The following FCRL4 variants were observed in gnomAD, a reference collection of about 807,000 sequenced individuals.
FCRL4 encodes Fc receptor like 4.
A neutral mutation model predicts 64.1 loss-of-function variants in FCRL4; 43 were observed. That is an observed-to-expected ratio of 0.67 (90% CI 0.53 to 0.87). The LOEUF (loss-of-function observed/expected upper bound fraction) is 0.87, where lower values mean the gene tolerates loss of function less well. FCRL4 is among the 40% of genes least tolerant of loss of function. The probability of loss-of-function intolerance (pLI) is 0.00; values close to 1 mark genes in which losing one functional copy is unlikely to be tolerated. For synonymous variants in FCRL4, 253 were observed against 239.8 expected (o/e 1.05, Z -0.51); for missense variants, 656 against 613.5 (o/e 1.07, Z -0.73).
chr1:157,585,346 CTTTCTTTCTTTCTTTCTTTCT>C (rs1482406549), intron 6 of FCRL4, among the ~76,000 whole-genome samples: 1 of 29,968 alleles, frequency 3.3e-5, no homozygotes, highest in African/African-American at 8.4e-5. Context: ...TTCTCTCTCT[CTTTCTTTCTTTCTTTCTTTCT>C]TTCTTTCTTT....
At chr1:157,589,632 G>T (rs767058001) in intron 2 of FCRL4, among the ~76,000 whole-genome samples, 174 bp from the exon 3 acceptor site, 46 of 152,208 alleles carry the variant, frequency 3.0e-4, no homozygotes, top group African/African-American at 1.1e-3. Context: ...GGGTGCAGTG[G>T]CTGCTCAGTG....
rs1372008534 is a variant in FCRL4 at position 157,578,530 on chromosome 1, T to A, written c.1373A>T (p.Lys458Met). Residue 458 changes from lysine (K) to methionine (M), a missense_variant, in exon 10 of 12, where the codon AAG becomes ATG. Transcript: ENST00000271532. ...GATCTCAGAGTATACCAAATCTCCC[T>A]TTTTGGGGTGTACTGGAAAGAAAAG... ...QSLYVDVHPK[K>M]GDLVYSEIQT... is the part of the protein sequence containing the mutation. 1 of 1,613,572 alleles carries A rather than the reference T, an allele frequency of 6.2e-7. No homozygotes were observed.
intron 2 of FCRL4, among the ~76,000 whole-genome samples, chr1:157,592,879 A>G (rs1384738583): frequency 6.6e-6 from 1 of 152,264 alleles, no homozygotes; most frequent in Non-Finnish European, 1.5e-5. Context: ...AATGTGGCAC[A>G]TATACACCAT....
At position 157,574,267 on chromosome 1, in the gene FCRL4, TCA is replaced by T. The variant is rs1374661018; in HGVS notation, c.*1255_*1256del. ...GTGATTTGCCCTATAGAACTTTTTC[TCA>T]GTTTATGTTTTGCTGGTTGCAATCC... On this transcript the variant is annotated 3_prime_UTR_variant, in exon 12 of 12. Transcript: ENST00000271532. 1 of 218,828 alleles carries T rather than the reference TCA, an allele frequency of 4.6e-6. No homozygotes were observed. The highest frequency in any genetic ancestry group is 2.2e-5 in the African/African-American group (1 of 44,610). The allele number at this position is 218,828 out of a possible 1,614,324, so 13.6% of individuals were successfully genotyped here.
intron 4 of FCRL4, 84 bp from the exon 5 acceptor site, chr1:157,587,644 A>T: frequency 6.9e-7 from 1 of 1,441,084 alleles, no homozygotes; most frequent in Non-Finnish European, 9.4e-7. Flanking sequence ...CAGTCCCAGG[A>T]AACTTCAGAC....
chr1:157,578,433 T>G lies in FCRL4; in HGVS notation c.1429+41A>C, dbSNP rs368760184. The G allele has an allele frequency of 1.8e-4, 275 of 1,493,184 alleles. 1 individual carries two copies. The highest frequency in any genetic ancestry group is 1.3e-3 in the South Asian group (111 of 88,558). 92.5% of individuals were successfully genotyped at this position (1,493,184 alleles called of 1,614,324 possible). On this transcript the variant is annotated intron_variant, in intron 10 of 11. Transcript: ENST00000271532. Reference sequence around the variant, plus strand: ...GCTCAGTAAATATTTGTTGAATGAATGAATATAGTTTGCAGCCAGAATCTC... The same window carrying G: ...GCTCAGTAAATATTTGTTGAATGAAGGAATATAGTTTGCAGCCAGAATCTC...
chr1:157,580,444 C>G, intron 7 of FCRL4, 96 bp from the exon 8 acceptor site: 1 of 1,311,746 alleles, frequency 7.6e-7, no homozygotes, highest in African/African-American at 1.5e-5. Context: ...GTAATCAAGA[C>G]AGTCAATTCA....
rs1280355276 is a variant in FCRL4 at position 157,578,659 on chromosome 1, A to C, written c.1360+111T>G. On this transcript the variant is annotated intron_variant, in intron 9 of 11. Coordinates refer to ENST00000271532, the MANE Select transcript of FCRL4 (RefSeq NM_031282.3). ...CACATAATGGAACAATTATCTGGGA[A>C]TATCTGGATTTGGGACACTTTAGGG... The C allele has an allele frequency of 5.0e-6, 7 of 1,391,390 alleles. No individual in the cohort carries two copies. In the Middle Eastern group the frequency reaches 5.3e-4, roughly 106 times the overall value. 86.2% of individuals were successfully genotyped at this position (1,391,390 alleles called of 1,614,324 possible).
rs1571131923 is a variant in FCRL4, at chr1:157,574,169, T to A, written c.*1355A>T. 1 of 220,848 alleles carries A rather than the reference T, an allele frequency of 4.5e-6. No individual in the cohort carries two copies. Among genetic ancestry groups the A allele is most frequent in the East Asian group, 6.6e-5 (1 of 15,084 alleles). The allele number at this position is 220,848 out of a possible 1,614,324, so 13.7% of individuals were successfully genotyped here. A position where few individuals can be genotyped will look rare whatever the true frequency, so the allele number is the denominator to read the frequency against. ...ATTACTTTTCTTCATTTTTCTTTTC[T>A]TCTCTCTCCCTTTCTTCCTCCCTCT... On this transcript the variant is annotated 3_prime_UTR_variant, in exon 12 of 12. Transcript: ENST00000271532.
intron 3 of FCRL4, 28 bp from the exon 4 acceptor site, chr1:157,588,147 C>T (rs1652749680): frequency 6.4e-7 from 1 of 1,569,760 alleles, no homozygotes; most frequent in East Asian, 2.2e-5. Flanking sequence ...AGGAGATCGT[C>T]ATTCAAAGCA....
intron 6 of FCRL4, among the ~76,000 whole-genome samples, chr1:157,583,227 C>A (rs12755544): frequency 4.6e-5 from 7 of 151,998 alleles, no homozygotes; most frequent in Non-Finnish European, 1.0e-4. Context: ...TTAAGTGTTA[C>A]GTCTAGGGAA....
chr1:157,575,579 G>A lies in FCRL4; in HGVS notation c.1493C>T (p.Thr498Ile), dbSNP rs1346764150. ...TCCAGCTGAGTTATCTGGGTGTTGT[G>A]TCTTTACCTCAGAGTAGACAACTGA... ...DVSVVYSEVKTQHPDNSAGKI... is the reference protein window; with the variant it reads ...DVSVVYSEVKIQHPDNSAGKI... Residue 498 changes from threonine (T) to isoleucine (I), a missense_variant, in exon 12 of 12, where the codon ACA becomes ATA. Transcript: ENST00000271532. 8.1e-6 allele frequency: 13 copies of A among 1,613,798 alleles called. No homozygotes were observed. The highest frequency in any genetic ancestry group is 1.6e-4 in the Middle Eastern group (1 of 6,084).
rs142620038 is a variant in FCRL4, at chr1:157,585,270, C to T, written c.1135+898G>A. Among the ~76,000 whole-genome samples, 1,004 of 123,204 alleles carry T rather than the reference C, an allele frequency of 8.1e-3. 7 individuals carry two copies. Among genetic ancestry groups the T allele is most frequent in the African/African-American group, 0.018 (679 of 37,464 alleles). 80.8% of individuals were successfully genotyped at this position (123,204 alleles called of 152,430 possible). Reference sequence around the variant, plus strand: ...TTTCCTTTCTTTCCTTTCTTTCCTTCCTTTCCTTCCTTTCCCTCTTTCTTT... The same window carrying T: ...TTTCCTTTCTTTCCTTTCTTTCCTTTCTTTCCTTCCTTTCCCTCTTTCTTT... On this transcript the variant is annotated intron_variant, in intron 6 of 11. Coordinates refer to ENST00000271532, the MANE Select transcript of FCRL4 (RefSeq NM_031282.3).
At chr1:157,596,081 C>A (rs58750695) in intron 2 of FCRL4, among the ~76,000 whole-genome samples, 2 of 152,196 alleles carry the variant, frequency 1.3e-5, no homozygotes, top group Admixed American at 6.5e-5. Context: ...TTCCTGTGGA[C>A]GCTGTGACAC....
At chr1:157,588,857 G>A (rs1230543778) in intron 3 of FCRL4, among the ~76,000 whole-genome samples, 3 of 152,304 alleles carry the variant, frequency 2.0e-5, no homozygotes, top group Admixed American at 6.5e-5. Flanking sequence ...TCCTTCGATG[G>A]CACTTTTGTC....
At chr1:157,576,796 A>G (rs939466393) in intron 10 of FCRL4, among the ~76,000 whole-genome samples, 7 of 152,244 alleles carry the variant, frequency 4.6e-5, no homozygotes, top group Admixed American at 1.3e-4. Context: ...CAGGTGATAT[A>G]TGTTGGTCAA....
chr1:157,580,340 A>C lies in FCRL4; in HGVS notation c.1258T>G (p.Phe420Val). The change falls in exon 8 of 12, where the codon TTC (phenylalanine) becomes GTC (valine). Residue 420 changes from phenylalanine (F) to valine (V), a missense_variant. Physicochemically the swap from Phe to Val is conservative, Grantham distance 50. Coordinates refer to ENST00000271532, the MANE Select transcript of FCRL4 (RefSeq NM_031282.3). ...TCTCACCTGGTTTCGTCTCCCAAGA[A>C]ACCAACTCCTGCAAAATAAAGCAAA... ...CWRRRKSGVG[F>V]LGDETRLPPA... 1 of 1,614,172 alleles carries C rather than the reference A, an allele frequency of 6.2e-7. No homozygotes were observed. Among genetic ancestry groups the C allele is most frequent in the South Asian group, 1.1e-5 (1 of 91,080 alleles).
chr1:157,582,515 G>A (rs1454350737), intron 6 of FCRL4, among the ~76,000 whole-genome samples: 1 of 152,210 alleles, frequency 6.6e-6, no homozygotes, highest in East Asian at 1.9e-4. Context: ...TTTCCCATAT[G>A]TATTCTTGGT....
chr1:157,578,429 T>C (rs757338142), intron 10 of FCRL4, 45 bp downstream of exon 10: 2 of 1,471,512 alleles, frequency 1.4e-6, no homozygotes, highest in Non-Finnish European at 1.9e-6. Flanking sequence ...ATTTGTTGAA[T>C]GAATGAATAT....
Sources: gnomAD v4.1 joint callset for allele counts (sites outside exome capture counted in the v4.1 genomes callset) on GRCh38, gnomAD v4.1.1 for gene constraint, MANE v1.5 for transcripts, NCBI Gene and HGNC (gene_info 2026-07-23, HGNC 2026-07-21) for gene names.